Variants in LARGE1 observed in about 807,000 individuals in gnomAD.
LARGE1 encodes xylosyl- and glucuronyltransferase LARGE1.
In LARGE1, 43 loss-of-function variants were observed where a neutral mutation model predicts 87.6. The observed-to-expected ratio is 0.49, with a 90% CI of 0.38 to 0.63. LARGE1 has a LOEUF of 0.63. LARGE1 is among the 30% of genes least tolerant of loss of function. The pLI is 0.00. For missense variants in LARGE1, 802 were observed against 1,000.2 expected (o/e 0.80, Z 2.67); for synonymous variants, 434 against 394.6 (o/e 1.10, Z -1.18).
chr22:33,113,395 C>T, the LARGE1 span, among the ~76,000 whole-genome samples: 5 of 151,942 alleles, frequency 3.3e-5, no homozygotes, highest in Non-Finnish European at 5.9e-5. Context: ...TTAGTAGAGA[C>T]GGGGTTTCTC....
chr22:33,323,778 T>G (rs555429005), intron 10 of LARGE1, among the ~76,000 whole-genome samples: 1 of 152,370 alleles, frequency 6.6e-6, no homozygotes, highest in South Asian at 2.1e-4. Flanking sequence ...TCAAATGAGC[T>G]AATGCACGTA....
the LARGE1 span, among the ~76,000 whole-genome samples, chr22:33,098,350 T>C: frequency 1.3e-5 from 2 of 152,280 alleles, no homozygotes; most frequent in East Asian, 3.9e-4. Flanking sequence ...CCGGGCGCAG[T>C]GGCTCAAGCC....
chr22:33,573,112 T>C (rs572000403), intron 5 of LARGE1, among the ~76,000 whole-genome samples: 1 of 152,042 alleles, frequency 6.6e-6, no homozygotes, highest in Non-Finnish European at 1.5e-5. Context: ...CTGTTAATAT[T>C]ATGACTGATG....
At chr22:33,479,426 G>A (rs960083512) in intron 6 of LARGE1, among the ~76,000 whole-genome samples, 1 of 152,194 alleles carries the variant, frequency 6.6e-6, no homozygotes, top group African/African-American at 2.4e-5. Context: ...GAGAAAGGAA[G>A]GAAAGATCTG....
chr22:33,289,054 G>T (rs1016928733), intron 12 of LARGE1, among the ~76,000 whole-genome samples: 15 of 152,122 alleles, frequency 9.9e-5, no homozygotes, highest in Middle Eastern at 3.4e-3. Context: ...CGCCTCCCGG[G>T]TTCACGCCAT....
intron 11 of LARGE1, among the ~76,000 whole-genome samples, chr22:33,182,071 C>T (rs1923202234): frequency 6.6e-6 from 1 of 152,002 alleles, no homozygotes; most frequent in African/African-American, 2.4e-5. Context: ...ATCTCCCCGC[C>T]TTGGCCTCCT....
intron 11 of LARGE1, among the ~76,000 whole-genome samples, chr22:33,198,148 G>C (rs562974168): frequency 6.6e-6 from 1 of 152,186 alleles, no homozygotes; most frequent in East Asian, 1.9e-4. Context: ...TGTGGTGGGT[G>C]GGGGGAACAG....
the LARGE1 span, among the ~76,000 whole-genome samples, chr22:33,140,429 G>A: frequency 6.6e-6 from 1 of 152,172 alleles, no homozygotes; most frequent in Non-Finnish European, 1.5e-5. Flanking sequence ...CAACTTGATC[G>A]AAGGATACAA....
At chr22:33,121,690 T>C in the LARGE1 span, among the ~76,000 whole-genome samples, 1 of 152,224 alleles carries the variant, frequency 6.6e-6, no homozygotes, top group East Asian at 1.9e-4. Context: ...AGTACCCTTC[T>C]GTATTAGTCT....
intron 1 of LARGE1, among the ~76,000 whole-genome samples, chr22:33,844,075 G>A (rs139788304): frequency 0.02 from 1,975 of 99,008 alleles, 41 homozygotes; most frequent in African/African-American, 0.056. Context: ...GTGAAACTCC[G>A]TCTCAAAAAA....
intron 5 of LARGE1, among the ~76,000 whole-genome samples, chr22:33,582,275 T>A (rs753558223): frequency 4.5e-4 from 69 of 152,094 alleles, no homozygotes; most frequent in Non-Finnish European, 8.2e-4. Flanking sequence ...AAGTACCAGC[T>A]GAAACTCAGA....
At chr22:33,328,978 CTT>C (rs56318775) in intron 10 of LARGE1, among the ~76,000 whole-genome samples, 2,571 of 152,250 alleles carry the variant, frequency 0.017, 30 homozygotes, top group Non-Finnish European at 0.028. Flanking sequence ...TTCCCTTTCT[CTT>C]TCTTTCCCTG....
At chr22:33,849,629 CAGTCTGTTGTCCAGGCTGG>C (rs2063531141) in intron 1 of LARGE1, among the ~76,000 whole-genome samples, 1 of 116,782 alleles carries the variant, frequency 8.6e-6, no homozygotes, top group Non-Finnish European at 1.6e-5. Flanking sequence ...GACAGAGTCT[CAGTCTGTTGTCCAGGCTGG>C]AGTGCAGTGG....
chr22:33,260,070 C>CT (rs779903269), intron 11 of LARGE1, among the ~76,000 whole-genome samples: 37 of 152,322 alleles, frequency 2.4e-4, no homozygotes, highest in Admixed American at 3.9e-4. Context: ...AGAGATCACC[C>CT]TTACACCAAA....
chr22:33,459,393 T>C (rs1384725242), intron 6 of LARGE1, among the ~76,000 whole-genome samples: 1 of 151,788 alleles, frequency 6.6e-6, no homozygotes, highest in Non-Finnish European at 1.5e-5. Flanking sequence ...GAAAGTCTTT[T>C]ACAGGGCAGT....
intron 9 of LARGE1, among the ~76,000 whole-genome samples, chr22:33,348,563 T>C (rs918293336): frequency 6.6e-6 from 1 of 152,166 alleles, no homozygotes; most frequent in African/African-American, 2.4e-5. Flanking sequence ...CAATTATTTC[T>C]AGGTGTGTTT....
At chr22:33,089,307 C>CTTCTTCT in the LARGE1 span, among the ~76,000 whole-genome samples, 1 of 118,154 alleles carries the variant, frequency 8.5e-6, no homozygotes, top group African/African-American at 2.8e-5. Context: ...TCTTCCTCTT[C>CTTCTTCT]TTCTTCTTTC....
chr22:33,891,030 GAA>G (rs1569016118), intron 1 of LARGE1, among the ~76,000 whole-genome samples: 1 of 8,596 alleles, frequency 1.2e-4, no homozygotes, highest in African/African-American at 2.9e-3. Context: ...GTGCATATGG[GAA>G]GCTGCATACG....
At chr22:33,783,320 G>T (rs910394022) in intron 1 of LARGE1, among the ~76,000 whole-genome samples, 4 of 152,064 alleles carry the variant, frequency 2.6e-5, no homozygotes, top group Non-Finnish European at 5.9e-5. Context: ...TTAAAAATTT[G>T]TTTGGGAGGC....
Sources: gnomAD v4.1 joint callset for allele counts (sites outside exome capture counted in the v4.1 genomes callset) on GRCh38, gnomAD v4.1.1 for gene constraint, MANE v1.5 for transcripts, NCBI Gene and HGNC (gene_info 2026-07-23, HGNC 2026-07-21) for gene names.